The following PRSS23 variants were observed in gnomAD, a reference collection of about 807,000 sequenced individuals.
PRSS23 encodes the protein serine protease 23, also known as protease, serine 23.
In PRSS23, 25 loss-of-function variants were observed where a neutral mutation model predicts 34.7. That is an observed-to-expected ratio of 0.72 (90% CI 0.53 to 1.01). The LOEUF is 1.01. Ranked by LOEUF, PRSS23 falls within the 50% of genes least tolerant of loss-of-function variation. The pLI is 0.00. For missense variants in PRSS23, 445 were observed against 475.6 expected, an observed-to-expected ratio of 0.94 and a Z score of 0.60; for synonymous variants, 176 against 186.6, an observed-to-expected ratio of 0.94 and a Z score of 0.46.
chr11:86,916,382 A>G (rs941797399), intron 2 of PRSS23, among the ~76,000 whole-genome samples: 3 of 152,218 alleles, frequency 2.0e-5, no homozygotes, highest in Admixed American at 1.3e-4. Flanking sequence ...TATTGTTCTT[A>G]TTTGCTGTTC....
chr11:86,917,707 T>C (rs867922682), intron 2 of PRSS23, among the ~76,000 whole-genome samples: 1 of 152,330 alleles, frequency 6.6e-6, no homozygotes, highest in Non-Finnish European at 1.5e-5. Context: ...CTGTGTCCCA[T>C]AGTGACATAG....
At chr11:86,856,680 C>T (rs985241892) in intron 2 of PRSS23, among the ~76,000 whole-genome samples, 34 of 152,272 alleles carry the variant, frequency 2.2e-4, no homozygotes, top group Admixed American at 7.2e-4. Flanking sequence ...TTAGACAAAC[C>T]ATTGGTGTTG....
rs140038273 is a variant in PRSS23 at position 86,808,692 on chromosome 11, G to A, written c.1049G>A (p.Gly350Asp). Reference sequence around the variant, plus strand: ...GGGCACCAGTGGGTGGACATGAATGGTTCCCCACAGGATTTCAACGTGGCT... The same window carrying A: ...GGGCACCAGTGGGTGGACATGAATGATTCCCCACAGGATTTCAACGTGGCT... ...FSGHQWVDMN[G>D]SPQDFNVAVR... Residue 350 changes from glycine to aspartate, a missense_variant, in exon 2 of 2, where the codon GGT becomes GAT. Gly to Asp is a moderately conservative substitution (Grantham distance 94, BLOSUM62 -1). Transcript: ENST00000280258. The A allele has an allele frequency of 1.9e-6, 3 of 1,614,124 alleles. No homozygotes were observed. Among genetic ancestry groups the A allele is most frequent in the South Asian group, 1.1e-5 (1 of 91,078 alleles).
Position 86,807,813 on chromosome 11 carries a change from C to A in PRSS23, c.170C>A (p.Ala57Asp). 5 of 1,614,124 alleles carry A rather than the reference C, an allele frequency of 3.1e-6. No individual in the cohort carries two copies. Among genetic ancestry groups the A allele is most frequent in the Non-Finnish European group, 3.4e-6 (4 of 1,180,030 alleles). Residue 57 changes from alanine (A) to aspartate (D), a missense_variant, in exon 2 of 2, where the codon GCC (alanine) becomes GAC (aspartate). By Grantham distance (126) the Ala-to-Asp change is moderately radical. Coordinates refer to ENST00000280258, the MANE Select transcript of PRSS23 (RefSeq NM_007173.6). ...GCCAAGCCAGACTTTGGAGCCGAAGCCAAATTAGAAGTATCTTCTTCATGT... is the reference window on the plus strand; with the variant it reads ...GCCAAGCCAGACTTTGGAGCCGAAGACAAATTAGAAGTATCTTCTTCATGT... ...NLAKPDFGAE[A>D]KLEVSSSCGP...
At chr11:86,909,716 T>C (rs1948965668) in intron 2 of PRSS23, 1 of 152,184 alleles carries the variant, frequency 6.6e-6, no homozygotes, top group African/African-American at 2.4e-5. Flanking sequence ...AATGCTGTGA[T>C]CCTTTGTCAT....
At chr11:86,799,356 T>C (rs948914739), upstream of PRSS23, among the ~76,000 whole-genome samples, 6 of 152,316 alleles carry the variant, frequency 3.9e-5, no homozygotes, top group African/African-American at 9.6e-5. Context: ...TGGTGTGAAA[T>C]AGCACTTTAG....
intron 2 of PRSS23, among the ~76,000 whole-genome samples, chr11:86,884,607 C>G (rs1003231624): frequency 2.0e-5 from 3 of 152,292 alleles, no homozygotes; most frequent in Middle Eastern, 3.4e-3. Context: ...CAGTCTTGCA[C>G]TCATATTTGA....
chr11:86,847,796 G>T (rs1565364890), intron 2 of PRSS23, among the ~76,000 whole-genome samples: 1 of 152,134 alleles, frequency 6.6e-6, no homozygotes, highest in Non-Finnish European at 1.5e-5. Context: ...TCTACAACTA[G>T]CTCTTTTCTG....
At chr11:86,843,216 A>C (rs1948461470) in intron 2 of PRSS23, among the ~76,000 whole-genome samples, 1 of 152,224 alleles carries the variant, frequency 6.6e-6, no homozygotes, top group African/African-American at 2.4e-5. Flanking sequence ...CTGGTTAGCC[A>C]TATGTAGAAA....
chr11:86,817,864 T>G (rs924113614), intron 1 of PRSS23, among the ~76,000 whole-genome samples: 1 of 152,230 alleles, frequency 6.6e-6, no homozygotes, highest in African/African-American at 2.4e-5. Context: ...AGAGAGGGGC[T>G]AATTGAAGCA....
chr11:86,848,313 AG>A (rs760654227), intron 2 of PRSS23, among the ~76,000 whole-genome samples: 147 of 152,352 alleles, frequency 9.6e-4, no homozygotes, highest in Non-Finnish European at 1.7e-3. Flanking sequence ...AGGGATCGAT[AG>A]TACCTTGGCC....
chr11:86,887,748 C>T (rs1948812711), intron 2 of PRSS23, among the ~76,000 whole-genome samples: 1 of 152,050 alleles, frequency 6.6e-6, no homozygotes, highest in Non-Finnish European at 1.5e-5. Context: ...CACTGAACAA[C>T]TAAATAATAT....
intron 1 of PRSS23, among the ~76,000 whole-genome samples, chr11:86,801,253 G>GT: frequency 6.6e-6 from 1 of 152,192 alleles, no homozygotes; most frequent in East Asian, 1.9e-4. Context: ...AACAGTTGTT[G>GT]TAAGCAAATA....
intron 2 of PRSS23, chr11:86,922,156 G>T (rs929958507): frequency 2.6e-5 from 4 of 152,128 alleles, no homozygotes; most frequent in Admixed American, 1.3e-4. Flanking sequence ...AGGAAACTTT[G>T]GGAATGTTTA....
At chr11:86,857,275 G>C (rs917432895) in intron 2 of PRSS23, 1 of 653,236 alleles carries the variant, frequency 1.5e-6, no homozygotes, top group Non-Finnish European at 2.0e-6. Context: ...TGCCAGGTGA[G>C]AGCCACAGGT....
At chr11:86,905,896 TGTGAACAAATGGA>T in intron 2 of PRSS23, among the ~76,000 whole-genome samples, 1 of 152,206 alleles carries the variant, frequency 6.6e-6, no homozygotes, top group African/African-American at 2.4e-5. Flanking sequence ...TCTGTACAGA[TGTGAACAAATGGA>T]GTGAACAAAG....
intron 2 of PRSS23, chr11:86,941,012 C>T (rs947287289): frequency 6.6e-6 from 1 of 152,144 alleles, no homozygotes; most frequent in Non-Finnish European, 1.5e-5. Flanking sequence ...TAAATACCTC[C>T]GATGGCACAT....
chr11:86,879,638 CT>C (rs1948756205), intron 2 of PRSS23, among the ~76,000 whole-genome samples: 1 of 137,006 alleles, frequency 7.3e-6, no homozygotes, highest in Admixed American at 7.1e-5. Flanking sequence ...TGAGGAGCCC[CT>C]CTGCCCGGCC....
chr11:86,806,602 A>C (rs1034399017), intron 1 of PRSS23, among the ~76,000 whole-genome samples: 3 of 152,180 alleles, frequency 2.0e-5, no homozygotes, highest in Non-Finnish European at 4.4e-5. Context: ...CTATTTCTCA[A>C]GCATCACTTC....
Sources: gnomAD v4.1 joint callset for allele counts (sites outside exome capture counted in the v4.1 genomes callset) on GRCh38, gnomAD v4.1.1 for gene constraint, MANE v1.5 for transcripts, NCBI Gene and HGNC (gene_info 2026-07-23, HGNC 2026-07-21) for gene names.